ST18: variants seen among roughly 807,000 people sequenced by gnomAD.
ST18 encodes the protein suppression of tumorigenicity 18 protein.
A neutral mutation model predicts 110.0 loss-of-function variants in ST18; 50 were observed. The ratio of observed to expected loss-of-function variants is 0.45; its 90% confidence interval spans 0.36 to 0.58. ST18 has a LOEUF of 0.58. ST18 is among the 20% of genes least tolerant of loss of function. ST18 has a pLI of 0.00. For missense variants in ST18, 1,306 were observed against 1,280.1 expected (o/e 1.02, Z -0.31); for synonymous variants, 461 against 452.4 (o/e 1.02, Z -0.24).
At chr8:52,164,281 C>T (rs982413585) in intron 12 of ST18, among the ~76,000 whole-genome samples, 191 bp from the exon 13 acceptor site, 6 of 152,336 alleles carry the variant, frequency 3.9e-5, no homozygotes, top group African/African-American at 1.4e-4. Context: ...CTCCCATCCC[C>T]ATCTCAGAGG....
At chr8:52,192,117 A>G (rs1004324627) in intron 8 of ST18, among the ~76,000 whole-genome samples, 1 of 152,170 alleles carries the variant, frequency 6.6e-6, no homozygotes, top group Admixed American at 6.5e-5. Context: ...GGCATTGAAC[A>G]GGCCCAACAG....
At chr8:52,383,677 G>A (rs971877149) in intron 2 of ST18, among the ~76,000 whole-genome samples, 1 of 152,072 alleles carries the variant, frequency 6.6e-6, no homozygotes, top group Non-Finnish European at 1.5e-5. Context: ...TCTAACTCCT[G>A]ACCTCGTGAT....
intron 25 of ST18, 101 bp from the exon 26 acceptor site, chr8:52,113,439 G>C: frequency 1.4e-6 from 2 of 1,391,150 alleles, no homozygotes; most frequent in East Asian, 2.3e-5. Context: ...GAGTCGGGAG[G>C]GAAGGCAAGG....
At chr8:52,350,150 A>T (rs1034254152) in intron 2 of ST18, among the ~76,000 whole-genome samples, 2 of 152,036 alleles carry the variant, frequency 1.3e-5, no homozygotes, top group Non-Finnish European at 2.9e-5. Flanking sequence ...AAGACAGAAA[A>T]CCCAAAGTGT....
intron 8 of ST18, among the ~76,000 whole-genome samples, chr8:52,203,193 G>A (rs1372540722): frequency 1.3e-5 from 2 of 152,160 alleles, no homozygotes; most frequent in African/African-American, 4.8e-5. Context: ...GGAGGGGGTA[G>A]GGGGAACCAT....
chr8:52,290,773 C>T (rs922869588), intron 2 of ST18, among the ~76,000 whole-genome samples: 10 of 152,314 alleles, frequency 6.6e-5, no homozygotes, highest in Non-Finnish European at 1.2e-4. Context: ...ACCAATCAAG[C>T]GAGGTCAGGT....
At chr8:52,206,436 C>A (rs2080102955) in intron 8 of ST18, 1 of 152,212 alleles carries the variant, frequency 6.6e-6, no homozygotes, top group East Asian at 1.9e-4. Flanking sequence ...TATTTTAAGA[C>A]ACTTTTCTGC....
At chr8:52,393,103 G>A (rs73679087) in intron 2 of ST18, among the ~76,000 whole-genome samples, 4,192 of 152,134 alleles carry the variant, frequency 0.028, 204 homozygotes, top group African/African-American at 0.096. Context: ...ATTCACTTTG[G>A]GTGGACAAAG....
intron 24 of ST18, among the ~76,000 whole-genome samples, chr8:52,116,774 AC>A (rs902073366): frequency 2.0e-5 from 3 of 151,814 alleles, no homozygotes; most frequent in Admixed American, 6.6e-5. Flanking sequence ...TGTAGTGCAG[AC>A]CCCCCATGGC....
At chr8:52,148,807 T>G (rs558526073) in intron 16 of ST18, among the ~76,000 whole-genome samples, 1 of 152,116 alleles carries the variant, frequency 6.6e-6, no homozygotes, top group Non-Finnish European at 1.5e-5. Context: ...TACTTTGAGA[T>G]GTTAAGCATG....
chr8:52,389,925 T>C (rs1196349526), intron 2 of ST18, among the ~76,000 whole-genome samples: 2 of 151,826 alleles, frequency 1.3e-5, no homozygotes, highest in Non-Finnish European at 2.9e-5. Context: ...GTATATTTAC[T>C]CCAACAACAA....
chr8:52,389,696 A>G (rs1403315439), intron 2 of ST18, among the ~76,000 whole-genome samples: 1 of 152,164 alleles, frequency 6.6e-6, no homozygotes, highest in Non-Finnish European at 1.5e-5. Flanking sequence ...ATGCGGAGTA[A>G]GGAGACTGCA....
At chr8:52,318,221 C>T (rs534896651) in intron 2 of ST18, among the ~76,000 whole-genome samples, 24 of 151,914 alleles carry the variant, frequency 1.6e-4, no homozygotes, top group Non-Finnish European at 2.4e-4. Context: ...CAAACAACCC[C>T]GTTAAAAAGT....
chr8:52,203,105 T>C (rs1323472119), intron 8 of ST18, among the ~76,000 whole-genome samples: 1 of 152,138 alleles, frequency 6.6e-6, no homozygotes, highest in African/African-American at 2.4e-5. Flanking sequence ...TTCCTTGTCT[T>C]CAAAAAGTAG....
At chr8:52,193,240 G>A (rs2075159183) in intron 8 of ST18, among the ~76,000 whole-genome samples, 1 of 152,202 alleles carries the variant, frequency 6.6e-6, no homozygotes. Context: ...GATTCAAGCT[G>A]GAAAGGTGTA....
intron 2 of ST18, among the ~76,000 whole-genome samples, chr8:52,383,036 CCTT>C (rs1053463831): frequency 2.6e-5 from 4 of 152,036 alleles, no homozygotes; most frequent in Admixed American, 6.5e-5. Context: ...TCCCTTCTCC[CCTT>C]CTTCTTCTTC....
At chr8:52,269,861 C>T (rs2095012809) in intron 2 of ST18, among the ~76,000 whole-genome samples, 1 of 152,096 alleles carries the variant, frequency 6.6e-6, no homozygotes, top group Non-Finnish European at 1.5e-5. Flanking sequence ...TCTTTTATTC[C>T]AGCACTCTCT....
At chr8:52,380,706 C>T (rs921178894) in intron 2 of ST18, among the ~76,000 whole-genome samples, 3 of 151,952 alleles carry the variant, frequency 2.0e-5, no homozygotes, top group African/African-American at 7.3e-5. Context: ...GCCTAACATT[C>T]ATTAAAAAAA....
chr8:52,381,996 GT>G (rs1834775169), intron 2 of ST18, among the ~76,000 whole-genome samples: 1 of 146,008 alleles, frequency 6.8e-6, no homozygotes, highest in Admixed American at 6.7e-5. Flanking sequence ...AAAAAACAAA[GT>G]TACAGATTTA....
Sources: allele counts gnomAD v4.1 joint callset (sites outside exome capture counted in the v4.1 genomes callset), GRCh38; gene constraint gnomAD v4.1.1; transcripts MANE v1.5; gene names NCBI Gene and HGNC (gene_info 2026-07-23, HGNC 2026-07-21).